Variants in MAP3K21 observed in about 807,000 individuals in gnomAD.
MAP3K21 encodes mitogen-activated protein kinase kinase kinase 21.
In MAP3K21, 63 loss-of-function variants were observed where a neutral mutation model predicts 86.1. That is an observed-to-expected ratio of 0.73 (90% confidence interval 0.60 to 0.90). The LOEUF (loss-of-function observed/expected upper bound fraction) is 0.90, where lower values mean the gene tolerates loss of function less well. Ranked by LOEUF, MAP3K21 falls within the 40% of genes least tolerant of loss-of-function variation. The probability of loss-of-function intolerance (pLI) is 0.00; values close to 1 mark genes in which losing one functional copy is unlikely to be tolerated. For missense variants in MAP3K21, 1,220 were observed against 1,367.7 expected (o/e 0.89, Z 1.70); for synonymous variants, 558 against 564.8 (o/e 0.99, Z 0.17).
chr1:233,341,068 A>G (rs1663030862), intron 1 of MAP3K21, among the ~76,000 whole-genome samples: 1 of 152,254 alleles, frequency 6.6e-6, no homozygotes, highest in South Asian at 2.1e-4. Flanking sequence ...GTAGAGGCCA[A>G]TTGTTAAAGA....
chr1:233,340,854 T>A (rs1390175130), intron 1 of MAP3K21, among the ~76,000 whole-genome samples: 1 of 152,212 alleles, frequency 6.6e-6, no homozygotes, highest in Non-Finnish European at 1.5e-5. Flanking sequence ...CATTTCCAGT[T>A]AAAGATTAAT....
At chr1:233,360,090 C>T (rs927259245) in intron 4 of MAP3K21, among the ~76,000 whole-genome samples, 2 of 152,164 alleles carry the variant, frequency 1.3e-5, no homozygotes. Flanking sequence ...CTGTTCTGAT[C>T]GCTTTCTCAT....
At chr1:233,349,691 C>T (rs564304591) in intron 2 of MAP3K21, among the ~76,000 whole-genome samples, 3 of 152,302 alleles carry the variant, frequency 2.0e-5, no homozygotes, top group South Asian at 2.1e-4. Context: ...GTAATCCCAA[C>T]ACTTTGGGAG....
At position 233,328,420 on chromosome 1, in the gene MAP3K21, G is replaced by A. The variant is rs762358692; in HGVS notation, c.392G>A (p.Gly131Asp). The A allele has an allele frequency of 1.2e-5, 18 of 1,493,474 alleles. No individual in the cohort carries two copies. The South Asian group carries it at 2.3e-4, about 19-fold the overall frequency. 92.5% of individuals were successfully genotyped at this position (1,493,474 alleles called of 1,614,324 possible). A position where few individuals can be genotyped will look rare whatever the true frequency, so the allele number is the denominator to read the frequency against. ...CGGCTGGAGCTGAAGGAGCTCATCG[G>A]CGCTGGGGGCTTCGGGCAGGTGTAC... ...FERLELKELIGAGGFGQVYRA... is the reference protein window; with the variant it reads ...FERLELKELIDAGGFGQVYRA... Residue 131 changes from glycine to aspartate, a missense_variant, in exon 1 of 10, where the codon GGC becomes GAC. Gly to Asp is a moderately conservative substitution (Grantham distance 94). This residue lies in a region of MAP3K21 where 369 missense variants were observed against 385.3 expected (regional missense o/e 0.96). Coordinates refer to ENST00000366624, the MANE Select transcript of MAP3K21 (RefSeq NM_032435.3). This position sits in a 1 kb window ranked among gnomAD's most constrained non-coding sequence, Gnocchi z 8.7.
At chr1:233,361,796 C>A (rs1168735817) in intron 4 of MAP3K21, among the ~76,000 whole-genome samples, 2 of 152,112 alleles carry the variant, frequency 1.3e-5, no homozygotes. Flanking sequence ...AGGAGACTGG[C>A]GTTTGTGCAG....
intron 1 of MAP3K21, among the ~76,000 whole-genome samples, chr1:233,339,857 T>C (rs530175237): frequency 7.0e-4 from 106 of 152,312 alleles, no homozygotes; most frequent in Non-Finnish European, 1.0e-3. Context: ...TTTTCTGTAA[T>C]TAGCAGCTGA....
Position 233,379,801 on chromosome 1 carries a change from G to T in MAP3K21, c.2704+91G>T, listed in dbSNP as rs1007664995. Reference sequence around the variant, plus strand: ...GGATTTATGATTTTATCTTTTCCTGGTGATGACATTTAATAATTTGTTTTT... The same window carrying T: ...GGATTTATGATTTTATCTTTTCCTGTTGATGACATTTAATAATTTGTTTTT... On this transcript the variant is annotated intron_variant, in intron 9 of 9. Transcript: ENST00000366624. 1.5e-5 allele frequency: 15 copies of T among 985,264 alleles called. No homozygotes were observed. The African/African-American group carries it at 1.9e-4, about 13-fold the overall frequency. The allele number at this position is 985,264 out of a possible 1,614,324, so 61.0% of individuals were successfully genotyped here.
At chr1:233,329,637 G>C (rs888123358) in intron 1 of MAP3K21, among the ~76,000 whole-genome samples, 1 of 151,932 alleles carries the variant, frequency 6.6e-6, no homozygotes, top group South Asian at 2.1e-4. Flanking sequence ...CTAGGAGATA[G>C]AGTGAGACTC....
At position 233,328,273 on chromosome 1, in the gene MAP3K21, C is replaced by T; in HGVS notation, c.245C>T (p.Ala82Val). ...GTGTCGGGCGACGAGGGCTGGTGGG[C>T]AGGCCAGGTGCAGCGGCGCCTCGGC... ...AAVSGDEGWW[A>V]GQVQRRLGIF... is the part of the protein sequence containing the mutation. Residue 82 changes from alanine to valine, a missense_variant, in exon 1 of 10, where the codon GCA becomes GTA. Physicochemically the swap from Ala to Val is moderately conservative, Grantham distance 64. This residue lies in a region of MAP3K21 where 369 missense variants were observed against 385.3 expected (regional missense o/e 0.96). Coordinates refer to ENST00000366624, the MANE Select transcript of MAP3K21 (RefSeq NM_032435.3). The surrounding 1 kb of genome is among the most constrained non-coding windows in gnomAD (Gnocchi z 8.7). 6.7e-7 allele frequency: 1 copy of T among 1,490,384 alleles called. No homozygotes were observed. 92.3% of individuals were successfully genotyped at this position (1,490,384 alleles called of 1,614,324 possible).
chr1:233,362,174 A>G lies in MAP3K21; in HGVS notation c.1433A>G (p.Glu478Gly). 2 of 1,614,218 alleles carry G rather than the reference A, an allele frequency of 1.2e-6. No homozygotes were observed. Reference protein sequence around the residue: ...AEREIDVLERELNILIFQLNQ... With the variant: ...AEREIDVLERGLNILIFQLNQ... ...CGCGAGATCGACGTGCTGGAGCGGG[A>G]ACTTAACATTCTGATATTCCAGCTA... The change falls in exon 5 of 10, where the codon GAA (glutamate) becomes GGA (glycine). Residue 478 changes from glutamate to glycine, a missense_variant. Physicochemically the swap from Glu to Gly is moderately conservative, Grantham distance 98 (BLOSUM62 -2). Around this residue, in one of 5 missense-constraint regions of MAP3K21, gnomAD observed 632 missense variants for 691.3 expected, o/e 0.91. Transcript: ENST00000366624.
rs1280307788 is a variant in MAP3K21, at chr1:233,376,182, A to G, written c.1826+116A>G. 4 of 873,352 alleles carry G rather than the reference A, an allele frequency of 4.6e-6. No individual in the cohort carries two copies. In the Admixed American group the frequency reaches 1.1e-4, roughly 25 times the overall value. 54.1% of individuals were successfully genotyped at this position (873,352 alleles called of 1,614,324 possible). A position where few individuals can be genotyped will look rare whatever the true frequency, so the allele number is the denominator to read the frequency against. ...AGTAAATTAATAGAGAGATTTATAA[A>G]TATCAACAATTTTCTAGGATGAATT... On this transcript the variant is annotated intron_variant, in intron 7 of 9. Coordinates refer to ENST00000366624, the MANE Select transcript of MAP3K21 (RefSeq NM_032435.3).
chr1:233,347,967 T>C (rs1025153106), intron 2 of MAP3K21, among the ~76,000 whole-genome samples: 5 of 150,908 alleles, frequency 3.3e-5, no homozygotes, highest in Admixed American at 6.6e-5. Flanking sequence ...TCCATTTTTT[T>C]CTGTTTTTAA....
At chr1:233,355,732 TC>T (rs79249319) in intron 4 of MAP3K21, among the ~76,000 whole-genome samples, 2 of 152,164 alleles carry the variant, frequency 1.3e-5, no homozygotes, top group East Asian at 3.9e-4. Flanking sequence ...GTCTCAAGGG[TC>T]TTTTTGCAGT....
intron 1 of MAP3K21, among the ~76,000 whole-genome samples, chr1:233,335,533 TA>T (rs986672039): frequency 1.6e-4 from 23 of 148,314 alleles, no homozygotes; most frequent in African/African-American, 3.2e-4. Context: ...AATTTACAGG[TA>T]AAAAAAAAAC....
rs747473258 is a variant in MAP3K21 at position 233,362,088 on chromosome 1, G to A, written c.1347G>A (p.Ala449=). Residue 449 remains alanine (A), a synonymous_variant, in exon 5 of 10, where the codon GCG becomes GCA. Transcript: ENST00000366624. ...LRSREEELTR[A]ALQQKSQEEL... is the part of the protein sequence containing the mutation. ...CCCGGGAAGAGGAGCTGACTCGGGC[G>A]GCTCTGCAGCAGAAGTCTCAGGAGG... 2 of 1,613,120 alleles carry A rather than the reference G, an allele frequency of 1.2e-6. No homozygotes were observed. Among genetic ancestry groups the A allele is most frequent in the Admixed American group, 3.3e-5 (2 of 59,910 alleles).
intron 4 of MAP3K21, among the ~76,000 whole-genome samples, chr1:233,356,230 A>C (rs1663355197): frequency 6.6e-6 from 1 of 152,164 alleles, no homozygotes; most frequent in Admixed American, 6.5e-5. Context: ...TCATGGCATA[A>C]GTCATACTGT....
Position 233,362,276 on chromosome 1 carries a change from G to A in MAP3K21, c.1535G>A (p.Arg512Gln). 1.2e-6 allele frequency: 2 copies of A among 1,614,162 alleles called. No homozygotes were observed. The highest frequency in any genetic ancestry group is 1.7e-6 in the Non-Finnish European group (2 of 1,180,026). Residue 512 changes from arginine (R) to glutamine (Q), a missense_variant, in exon 5 of 10, where the codon CGA becomes CAA. Physicochemically the swap from Arg to Gln is conservative, Grantham distance 43. Transcript: ENST00000366624. ...CGTTTAAAGCTCAAAGATGGACATC[G>A]AATCAGTTTACCTTCAGGTATGATC... ...RSRLKLKDGH[R>Q]ISLPSDFQHK...
chr1:233,352,888 G>C (rs1663276421), intron 2 of MAP3K21, among the ~76,000 whole-genome samples: 1 of 152,306 alleles, frequency 6.6e-6, no homozygotes, highest in East Asian at 1.9e-4. Flanking sequence ...AGAAAACTAA[G>C]GTACTGACTT....
rs568337693 is a variant in MAP3K21, at chr1:233,374,453, C to T, written c.1676-1463C>T. On this transcript the variant is annotated intron_variant, in intron 6 of 9. Coordinates refer to ENST00000366624, the MANE Select transcript of MAP3K21 (RefSeq NM_032435.3). ...CCTCCTGAAGTGCTGGGATTACAGG[C>T]GTGAGCCATCGCACCCGGCCTAAGC... Among the ~76,000 whole-genome samples, 7 of 152,276 alleles carry T rather than the reference C, an allele frequency of 4.6e-5. No homozygotes were observed. The South Asian group carries it at 8.3e-4, about 18-fold the overall frequency.
Sources: gnomAD v4.1 joint callset for allele counts (sites outside exome capture counted in the v4.1 genomes callset) on GRCh38, gnomAD v4.1.1 for gene constraint, gnomAD v4.1.1 regional missense constraint, Gnocchi (gnomAD v3.1) non-coding constraint, MANE v1.5 for transcripts, NCBI Gene and HGNC (gene_info 2026-07-23, HGNC 2026-07-21) for gene names.